The following ITGAE variants were observed in gnomAD, a reference collection of about 807,000 sequenced individuals.
The protein encoded by ITGAE is integrin subunit alpha E.
A neutral mutation model predicts 136.5 loss-of-function variants in ITGAE; 99 were observed. That is an observed-to-expected ratio of 0.73 (90% CI 0.62 to 0.86). ITGAE has a LOEUF of 0.86. ITGAE is among the 40% of genes least tolerant of loss of function. ITGAE has a pLI of 0.00. For synonymous variants in ITGAE, 613 were observed against 591.8 expected, an observed-to-expected ratio of 1.04 and a Z score of -0.52; for missense variants, 1,447 against 1,515.3, an observed-to-expected ratio of 0.95 and a Z score of 0.75.
chr17:3,769,445 T>G (rs907925145), intron 2 of ITGAE, among the ~76,000 whole-genome samples: 5 of 149,544 alleles, frequency 3.3e-5, no homozygotes, highest in African/African-American at 1.2e-4. Flanking sequence ...GCCGCCATCA[T>G]GCAATGACAT....
At chr17:3,761,721 A>G (rs1245515671) in intron 4 of ITGAE, among the ~76,000 whole-genome samples, 194 bp downstream of exon 4, 1 of 152,210 alleles carries the variant, frequency 6.6e-6, no homozygotes, top group Non-Finnish European at 1.5e-5. Flanking sequence ...GTGCTGGGTC[A>G]CAGGGAATAC....
rs528395788 is a variant in ITGAE, at chr17:3,758,247, T to A, written c.867-388A>T. On this transcript the variant is annotated intron_variant, in intron 8 of 30. Coordinates refer to ENST00000263087, the MANE Select transcript of ITGAE (RefSeq NM_002208.5). ...AAAATCTATCAGGCAAGTGCTATTA[T>A]TTTTCTTTCTTTTTTAGAGACGGCG... Among the ~76,000 whole-genome samples, 43 of 152,248 alleles carry A rather than the reference T, an allele frequency of 2.8e-4. No homozygotes were observed. In the Middle Eastern group the frequency reaches 0.014, roughly 48 times the overall value.
chr17:3,786,196 T>A (rs1167632803), intron 1 of ITGAE, among the ~76,000 whole-genome samples: 4 of 148,680 alleles, frequency 2.7e-5, no homozygotes, highest in African/African-American at 7.4e-5. Flanking sequence ...AGTAAGAGGA[T>A]GTTATATCCA....
chr17:3,771,784 G>A (rs1597353762), intron 2 of ITGAE, among the ~76,000 whole-genome samples: 1 of 152,114 alleles, frequency 6.6e-6, no homozygotes, highest in Non-Finnish European at 1.5e-5. Context: ...TGACCCGCCC[G>A]CCTTGGCCTC....
At chr17:3,784,542 G>C (rs957977568) in intron 1 of ITGAE, among the ~76,000 whole-genome samples, 16 of 151,478 alleles carry the variant, frequency 1.1e-4, no homozygotes, top group Non-Finnish European at 1.0e-4. Context: ...CTACAGGCAC[G>C]CGCCACCATG....
At chr17:3,751,950 T>C in intron 14 of ITGAE, 76 bp from the exon 15 acceptor site, 1 of 1,280,834 alleles carries the variant, frequency 7.8e-7, no homozygotes, top group Non-Finnish European at 1.1e-6. Context: ...CGATGCACGC[T>C]CACTGGGCCG....
chr17:3,777,440 G>A, intron 2 of ITGAE, 100 bp downstream of exon 2: 10 of 1,409,086 alleles, frequency 7.1e-6, no homozygotes, highest in Non-Finnish European at 9.6e-6. Flanking sequence ...CTCTCCTGAC[G>A]GTGGGGTGGG....
chr17:3,757,618 T>C (rs2052060238), intron 9 of ITGAE, 88 bp downstream of exon 9: 3 of 1,413,064 alleles, frequency 2.1e-6, no homozygotes, highest in South Asian at 2.5e-5. Context: ...ATAAGCTGCT[T>C]ACAGAAAAGC....
chr17:3,724,940 A>T (rs936124267), intron 26 of ITGAE: 10 of 1,613,646 alleles, frequency 6.2e-6, no homozygotes, highest in Non-Finnish European at 8.5e-6. Flanking sequence ...AGAGAACTAG[A>T]TCAAGCCGGA....
intron 12 of ITGAE, chr17:3,754,645 GTACTCAGCCTCAC>G (rs2051957187): frequency 1.5e-5 from 3 of 194,468 alleles, no homozygotes; most frequent in Middle Eastern, 2.1e-3. Context: ...GGAGGCTGTA[GTACTCAGCCTCAC>G]GGTCCCTAAC....
chr17:3,789,506 T>A lies in ITGAE; in HGVS notation c.34+11605A>T, dbSNP rs1250290680. ...CTCTCTCTTTCCTTCTTTTTTTTTG[T>A]TTTTTGTTTTTTGAGATGGAGTCTC... is the stretch of plus-strand genomic sequence containing the variant. On this transcript the variant is annotated intron_variant, in intron 1 of 30. Transcript: ENST00000263087. Among the ~76,000 whole-genome samples the A allele has an allele frequency of 2.0e-5, 3 of 148,978 alleles. No homozygotes were observed. In the Admixed American group the frequency reaches 2.0e-4, roughly 10 times the overall value.
In ITGAE at chr17:3,777,583, G is replaced by C; in HGVS notation, c.112C>G (p.Leu38Val). The C allele has an allele frequency of 6.2e-7, 1 of 1,613,882 alleles. No individual in the cohort carries two copies. Among genetic ancestry groups the C allele is most frequent in the Non-Finnish European group, 8.5e-7 (1 of 1,179,876 alleles). Residue 38 changes from leucine to valine, a missense_variant, in exon 2 of 31, where the codon CTC (leucine) becomes GTC (valine). Coordinates refer to ENST00000263087, the MANE Select transcript of ITGAE (RefSeq NM_002208.5). ...GGGTCTTGGTGCAGAAGGGAGCTGAGCACGAAAGGGGCACCTCCCTTGGGC... is the reference window on the plus strand; with the variant it reads ...GGGTCTTGGTGCAGAAGGGAGCTGACCACGAAAGGGGCACCTCCCTTGGGC... ...LTPKGGAPFV[L>V]SSLLHQDPST...
chr17:3,753,461 G>C lies in ITGAE; in HGVS notation c.1528-31C>G. The C allele has an allele frequency of 3.1e-6, 5 of 1,607,460 alleles. No homozygotes were observed. In the East Asian group the frequency reaches 1.1e-4, roughly 36 times the overall value. On this transcript the variant is annotated intron_variant, in intron 13 of 30. Coordinates refer to ENST00000263087, the MANE Select transcript of ITGAE (RefSeq NM_002208.5). ...GCCCGGGAGGAACTCAGCTCACCAG[G>C]AGCCCCGCTCCTGCACCCCTCAGCA...
At position 3,799,926 on chromosome 17, in the gene ITGAE, C is replaced by G. The variant is rs1359433725; in HGVS notation, c.34+1185G>C. ...GATCACCTGAGGGCAGGAGACCAGC[C>G]TGACCAATATGGTGAGACCCTGTCT... On this transcript the variant is annotated intron_variant, in intron 1 of 30. Transcript: ENST00000263087. The surrounding 1 kb of genome is among the most constrained non-coding windows in gnomAD (Gnocchi z 4.1). Among the ~76,000 whole-genome samples, 1 of 152,090 alleles carries G rather than the reference C, an allele frequency of 6.6e-6. No homozygotes were observed. The highest frequency in any genetic ancestry group is 2.4e-5 in the African/African-American group (1 of 41,418).
intron 1 of ITGAE, among the ~76,000 whole-genome samples, chr17:3,800,177 C>T (rs1381107286): frequency 2.6e-5 from 4 of 152,182 alleles, no homozygotes; most frequent in African/African-American, 9.7e-5. Flanking sequence ...AAACGTGTTC[C>T]TTGCTGGTAC....
chr17:3,800,904 G>A (rs2053242160), intron 1 of ITGAE, among the ~76,000 whole-genome samples: 1 of 152,186 alleles, frequency 6.6e-6, no homozygotes, highest in South Asian at 2.1e-4. Context: ...GACAGAACTG[G>A]CAACACGAAG....
At position 3,724,998 on chromosome 17, in the gene ITGAE, C is replaced by T. The variant is rs150339790; in HGVS notation, c.3085-1254G>A. 1.2e-4 allele frequency: 198 copies of T among 1,614,156 alleles called. No individual in the cohort carries two copies. In the African/African-American group the frequency reaches 1.7e-3, roughly 14 times the overall value. On this transcript the variant is annotated intron_variant, in intron 26 of 30. Coordinates refer to ENST00000263087, the MANE Select transcript of ITGAE (RefSeq NM_002208.5). ...GGAAACCTCTCTCCTCCATTCCCAC[C>T]GCTTTAAAAAGGGCCAAAAGCTGGG...
rs151018986 is a variant in ITGAE at position 3,753,320 on chromosome 17, G to C, written c.1638C>G (p.Gly546=). 12 of 1,614,144 alleles carry C rather than the reference G, an allele frequency of 7.4e-6. No individual in the cohort carries two copies. The East Asian group carries it at 2.7e-4, about 36-fold the overall frequency. The change falls in exon 14 of 31, where the codon GGC becomes GGG. Residue 546 remains glycine (G), a synonymous_variant. Transcript: ENST00000263087. ...CGCTGAGACGGTACACGTAGACTCT[G>C]CCTTCTTCTCCATGAACGTGGTAAA... ...APFYHVHGEE[G]RVYVYRLSEQ...
chr17:3,764,553 C>T (rs1164760639), intron 2 of ITGAE, among the ~76,000 whole-genome samples: 2 of 152,122 alleles, frequency 1.3e-5, no homozygotes, highest in South Asian at 2.1e-4. Context: ...AAAAATTAGC[C>T]GGGCATGGTG....
Sources: allele counts gnomAD v4.1 joint callset (sites outside exome capture counted in the v4.1 genomes callset), GRCh38; gene constraint gnomAD v4.1.1; non-coding constraint Gnocchi (gnomAD v3.1); transcripts MANE v1.5; gene names NCBI Gene and HGNC (gene_info 2026-07-23, HGNC 2026-07-21).